UNC13C: variants seen among roughly 807,000 people sequenced by gnomAD.
UNC13C encodes the protein unc-13 homolog C, also known as protein unc-13 homolog C.
Under a neutral mutation model 245.4 loss-of-function variants are expected in UNC13C, and 174 were observed. The ratio of observed to expected loss-of-function variants is 0.71; its 90% CI spans 0.63 to 0.80. The LOEUF (loss-of-function observed/expected upper bound fraction) is 0.80, where lower values mean the gene tolerates loss of function less well. Among genes scored for constraint, UNC13C ranks in the 30% least tolerant of loss-of-function variants. UNC13C has a pLI of 0.00. For synonymous variants in UNC13C, 992 were observed against 895.1 expected (o/e 1.11, Z -1.93); for missense variants, 2,829 against 2,602.9 (o/e 1.09, Z -1.89).
chr15:54,019,641 A>G (rs1369843156), intron 2 of UNC13C, among the ~76,000 whole-genome samples: 1 of 152,230 alleles, frequency 6.6e-6, no homozygotes, highest in Non-Finnish European at 1.5e-5. Context: ...AGAGACTGTG[A>G]TATCGGAAAT....
At chr15:53,966,786 T>C in the UNC13C span, among the ~76,000 whole-genome samples, 1 of 152,244 alleles carries the variant, frequency 6.6e-6, no homozygotes, top group Non-Finnish European at 1.5e-5. Context: ...TACATTTTAG[T>C]AAGCTTCCTT....
chr15:54,163,050 G>T (rs867647306), intron 4 of UNC13C, among the ~76,000 whole-genome samples: 1 of 152,162 alleles, frequency 6.6e-6, no homozygotes, highest in Non-Finnish European at 1.5e-5. Flanking sequence ...AAAGATGTCC[G>T]CATCCTAATT....
chr15:54,257,383 C>G (rs16974405), intron 8 of UNC13C, among the ~76,000 whole-genome samples: 3,410 of 152,294 alleles, frequency 0.022, 119 homozygotes, highest in African/African-American at 0.078. Flanking sequence ...CTTTAACATA[C>G]TGTTATGCGA....
chr15:54,148,409 G>C (rs963947373), intron 4 of UNC13C, among the ~76,000 whole-genome samples: 3 of 152,152 alleles, frequency 2.0e-5, no homozygotes, highest in African/African-American at 7.2e-5. Context: ...CTCAATGTCA[G>C]TTAGGTTCAA....
At chr15:54,507,018 T>C (rs981719897) in intron 22 of UNC13C, 99 bp from the exon 23 acceptor site, 2 of 706,488 alleles carry the variant, frequency 2.8e-6, no homozygotes, top group Non-Finnish European at 4.5e-6. Context: ...AGAACTAAGA[T>C]GAAAAAGACA....
chr15:54,048,686 G>A, intron 2 of UNC13C: 1 of 317,778 alleles, frequency 3.1e-6, no homozygotes, highest in Non-Finnish European at 6.4e-6. Context: ...CCTCAACAAA[G>A]CAGCAAAGTC....
chr15:54,301,031 G>A (rs1017225074), intron 13 of UNC13C, among the ~76,000 whole-genome samples: 1 of 152,192 alleles, frequency 6.6e-6, no homozygotes, highest in South Asian at 2.1e-4. Context: ...TTCAGTAAGG[G>A]TTTAGTAATG....
At chr15:54,491,764 A>G (rs758864667) in intron 19 of UNC13C, among the ~76,000 whole-genome samples, 1 of 152,068 alleles carries the variant, frequency 6.6e-6, no homozygotes, top group Non-Finnish European at 1.5e-5. Context: ...GTACTTTGGG[A>G]GGCCGAGGCG....
At position 54,013,163 on chromosome 15, in the gene UNC13C, C is replaced by G. The variant is rs993611488; in HGVS notation, c.260C>G (p.Ser87Cys). The stretch of plus-strand genomic sequence containing the variant: ...GAAGACGAGGCCAGTAAAGAGTTTT[C>G]CCTCTCACCAACATTCAGTTACCGA... ...TEEDEASKEF[S>C]LSPTFSYRVA... The change falls in exon 2 of 33, where the codon TCC becomes TGC. Residue 87 changes from serine to cysteine, a missense_variant. Coordinates refer to ENST00000260323, the MANE Select transcript of UNC13C (RefSeq NM_001080534.3). 2 of 1,613,850 alleles carry G rather than the reference C, an allele frequency of 1.2e-6. No homozygotes were observed. The highest frequency in any genetic ancestry group is 1.7e-6 in the Non-Finnish European group (2 of 1,179,848).
intron 22 of UNC13C, 137 bp downstream of exon 22, chr15:54,501,115 TC>T: frequency 1.2e-6 from 1 of 813,818 alleles, no homozygotes; most frequent in Non-Finnish European, 1.9e-6. Context: ...TTCAGTTGTT[TC>T]CAGGATTCCC....
rs748353022 is a variant in UNC13C at position 54,540,248 on chromosome 15, T to A, written c.5697-6474T>A. ...GAATGAATAAAAATTTGATTTGGAT[T>A]GGGTATTTAAAGGTGGATAAAGTTT... On this transcript the variant is annotated intron_variant, in intron 26 of 32. Coordinates refer to ENST00000260323, the MANE Select transcript of UNC13C (RefSeq NM_001080534.3). Among the ~76,000 whole-genome samples, 24 of 152,102 alleles carry A rather than the reference T, an allele frequency of 1.6e-4. 1 individual carries two copies. Among genetic ancestry groups the A allele is most frequent in the Admixed American group, 9.2e-4 (14 of 15,230 alleles).
chr15:54,382,607 A>G (rs143352075), intron 17 of UNC13C, among the ~76,000 whole-genome samples: 96 of 152,206 alleles, frequency 6.3e-4, no homozygotes, highest in African/African-American at 2.2e-3. Flanking sequence ...AATGAAAAAA[A>G]AAACTCAGAA....
chr15:53,915,536 G>A, the UNC13C span, among the ~76,000 whole-genome samples: 11 of 152,044 alleles, frequency 7.2e-5, no homozygotes, highest in South Asian at 8.3e-4. Context: ...TTTGTAATAC[G>A]TAATGTTTTC....
chr15:54,511,110 G>A (rs146910172), intron 23 of UNC13C, among the ~76,000 whole-genome samples: 27 of 152,200 alleles, frequency 1.8e-4, no homozygotes, highest in African/African-American at 6.3e-4. Context: ...AACGTTAGCT[G>A]GTGAGAGTGA....
At chr15:54,190,767 T>C (rs2034156156) in intron 4 of UNC13C, among the ~76,000 whole-genome samples, 1 of 152,110 alleles carries the variant, frequency 6.6e-6, no homozygotes, top group African/African-American at 2.4e-5. Context: ...AGATAAACTT[T>C]GCTTTTAAAC....
At chr15:54,453,665 A>G (rs1325706017) in intron 19 of UNC13C, among the ~76,000 whole-genome samples, 1 of 152,226 alleles carries the variant, frequency 6.6e-6, no homozygotes, top group African/African-American at 2.4e-5. Context: ...TTAACATGCT[A>G]TACCTTTTGA....
At chr15:54,283,066 G>A (rs1284236840) in intron 10 of UNC13C, among the ~76,000 whole-genome samples, 2 of 152,254 alleles carry the variant, frequency 1.3e-5, no homozygotes, top group East Asian at 3.9e-4. Context: ...TAGATGAAGG[G>A]TGGGGATCAG....
In UNC13C at chr15:54,500,143, C is replaced by T. The variant is rs764917759; in HGVS notation, c.5125C>T (p.His1709Tyr). The T allele has an allele frequency of 1.1e-5, 18 of 1,611,192 alleles. No individual in the cohort carries two copies. In the Middle Eastern group the frequency reaches 5.0e-4, roughly 44 times the overall value. The stretch of plus-strand genomic sequence containing the variant: ...CGAAGATGTGTCAATGGAATTCCTT[C>T]ATGGAGCACTGGGAAGAGACAAAAA... ...ENEDVSMEFLHGALGRDKKDG... is the reference protein window; with the variant it reads ...ENEDVSMEFLYGALGRDKKDG... Residue 1709 changes from histidine to tyrosine, a missense_variant, in exon 21 of 33, where the codon CAT becomes TAT. Physicochemically the swap from His to Tyr is moderately conservative, Grantham distance 83 (BLOSUM62 2). Coordinates refer to ENST00000260323, the MANE Select transcript of UNC13C (RefSeq NM_001080534.3).
chr15:53,926,916 C>T, the UNC13C span, among the ~76,000 whole-genome samples: 142 of 152,118 alleles, frequency 9.3e-4, no homozygotes, highest in Non-Finnish European at 1.0e-4. Context: ...CTGAGTTGGA[C>T]TGGACAGGTA....
Sources: gnomAD v4.1 joint callset for allele counts (sites outside exome capture counted in the v4.1 genomes callset) on GRCh38, gnomAD v4.1.1 for gene constraint, MANE v1.5 for transcripts, NCBI Gene and HGNC (gene_info 2026-07-23, HGNC 2026-07-21) for gene names.